Variants in SUPT3H observed in about 807,000 individuals in gnomAD.
SUPT3H encodes transcription initiation protein SPT3 homolog.
In SUPT3H, 44 loss-of-function variants were observed where a neutral mutation model predicts 44.3. That is an observed-to-expected ratio of 0.99 (90% CI 0.78 to 1.28). The LOEUF (loss-of-function observed/expected upper bound fraction) is 1.28, where lower values mean the gene tolerates loss of function less well. Ranked by LOEUF, SUPT3H falls within the 50% of genes most tolerant of loss-of-function variation. SUPT3H has a pLI of 0.00. For missense variants in SUPT3H, 380 were observed against 387.1 expected, an observed-to-expected ratio of 0.98 and a Z score of 0.15; for synonymous variants, 124 against 125.6, an observed-to-expected ratio of 0.99 and a Z score of 0.09.
chr6:45,257,758 C>T (rs1773655738), intron 2 of SUPT3H, among the ~76,000 whole-genome samples: 2 of 152,128 alleles, frequency 1.3e-5, no homozygotes, highest in South Asian at 4.1e-4. Flanking sequence ...ACAGTCCTAC[C>T]CATGAGTGTG....
Position 44,954,476 on chromosome 6 carries a change from G to C in SUPT3H, c.693+19C>G. The C allele has an allele frequency of 6.4e-7, 1 of 1,563,786 alleles. No homozygotes were observed. The highest frequency in any genetic ancestry group is 2.2e-5 in the East Asian group (1 of 44,648). On this transcript the variant is annotated intron_variant, in intron 8 of 10. Coordinates refer to ENST00000371459, the MANE Select transcript of SUPT3H (RefSeq NM_003599.4). Reference sequence around the variant, plus strand: ...AAAACCAGCCAGTGTGGCCCGATATGACAGATTAGAATTCTTACCTGTGCC... The same window carrying C: ...AAAACCAGCCAGTGTGGCCCGATATCACAGATTAGAATTCTTACCTGTGCC...
chr6:44,986,100 T>C lies in SUPT3H; in HGVS notation c.504+17553A>G, dbSNP rs146251260. Among the ~76,000 whole-genome samples the C allele has an allele frequency of 2.0e-5, 3 of 152,304 alleles. No homozygotes were observed. The East Asian group carries it at 5.8e-4, about 29-fold the overall frequency. On this transcript the variant is annotated intron_variant, in intron 6 of 10. Transcript: ENST00000371459. ...TGGCCAAGCAAAAGTAAAATATCTT[T>C]ATCAGCCTTAAAATTAGGGAGCCTA...
intron 2 of SUPT3H, among the ~76,000 whole-genome samples, chr6:45,305,694 T>C (rs1782883768): frequency 6.6e-6 from 1 of 152,162 alleles, no homozygotes; most frequent in South Asian, 2.1e-4. Context: ...AAAAATCCAA[T>C]AATGGAAATG....
At chr6:45,126,987 T>C (rs186403686) in intron 2 of SUPT3H, among the ~76,000 whole-genome samples, 3 of 152,292 alleles carry the variant, frequency 2.0e-5, no homozygotes, top group Non-Finnish European at 2.9e-5. Context: ...TGAATAATGC[T>C]GTTTTCCCTC....
chr6:45,030,487 G>C (rs1024300094), intron 3 of SUPT3H, among the ~76,000 whole-genome samples: 2 of 152,092 alleles, frequency 1.3e-5, no homozygotes, highest in Admixed American at 6.6e-5. Flanking sequence ...GTAAGAGACT[G>C]AATTTCTTAG....
intron 1 of SUPT3H, among the ~76,000 whole-genome samples, chr6:45,373,350 C>G (rs562836205): frequency 4.1e-4 from 62 of 152,220 alleles, no homozygotes; most frequent in African/African-American, 1.4e-3. Context: ...CAGACCAATT[C>G]TAGAAAGTAA....
chr6:44,888,798 T>C (rs1762770210), intron 10 of SUPT3H, among the ~76,000 whole-genome samples: 1 of 151,990 alleles, frequency 6.6e-6, no homozygotes, highest in Non-Finnish European at 1.5e-5. Context: ...ATAAAGGGTA[T>C]TCAATTAGGA....
intron 6 of SUPT3H, among the ~76,000 whole-genome samples, chr6:44,992,741 G>A (rs967022692): frequency 1.3e-5 from 2 of 152,050 alleles, no homozygotes; most frequent in African/African-American, 4.8e-5. Context: ...CAAGGGTGGG[G>A]GACAAATGGG....
chr6:45,045,655 T>C (rs879863345), intron 3 of SUPT3H, among the ~76,000 whole-genome samples: 2 of 152,238 alleles, frequency 1.3e-5, no homozygotes, highest in Non-Finnish European at 2.9e-5. Flanking sequence ...TCTTGCCTGA[T>C]TGCCCTGGCC....
At chr6:44,982,274 A>G (rs938356213) in intron 6 of SUPT3H, among the ~76,000 whole-genome samples, 1 of 151,996 alleles carries the variant, frequency 6.6e-6, no homozygotes, top group African/African-American at 2.4e-5. Flanking sequence ...CCCAGGCTGG[A>G]GTGCTGTGGC....
chr6:45,157,843 G>C (rs1468933397), intron 2 of SUPT3H, among the ~76,000 whole-genome samples: 1 of 151,658 alleles, frequency 6.6e-6, no homozygotes, highest in African/African-American at 2.4e-5. Flanking sequence ...ACCGCACCCG[G>C]CCAGCATTAT....
intron 2 of SUPT3H, among the ~76,000 whole-genome samples, chr6:45,141,338 C>CAAAAAAAAAAA (rs1162738855): frequency 2.0e-4 from 9 of 45,282 alleles, no homozygotes; most frequent in Admixed American, 4.3e-4. Context: ...GACTCCATCT[C>CAAAAAAAAAAA]AAAAAAAAAA....
chr6:45,293,542 G>T (rs1231297863), intron 2 of SUPT3H, among the ~76,000 whole-genome samples: 1 of 151,690 alleles, frequency 6.6e-6, no homozygotes, highest in African/African-American at 2.4e-5. Context: ...AAAGATAAAT[G>T]AAACAAAAAG....
intron 2 of SUPT3H, among the ~76,000 whole-genome samples, chr6:45,236,667 T>C (rs1374439872): frequency 2.0e-5 from 3 of 152,058 alleles, no homozygotes; most frequent in African/African-American, 7.2e-5. Flanking sequence ...CTCTCTCAGT[T>C]CTATTCAGGC....
chr6:45,189,521 C>T (rs1409453469), intron 2 of SUPT3H, among the ~76,000 whole-genome samples: 1 of 152,126 alleles, frequency 6.6e-6, no homozygotes, highest in Non-Finnish European at 1.5e-5. Context: ...TTGACCAAAT[C>T]TATAGAGGAA....
intron 3 of SUPT3H, among the ~76,000 whole-genome samples, chr6:45,086,077 T>TTTC (rs1449378031): frequency 1.3e-5 from 2 of 152,058 alleles, no homozygotes; most frequent in African/African-American, 4.8e-5. Context: ...TGAAACTTAG[T>TTTC]TTCTGTCACT....
intron 6 of SUPT3H, among the ~76,000 whole-genome samples, chr6:44,997,699 G>A (rs1456959750): frequency 1.3e-5 from 2 of 151,868 alleles, no homozygotes; most frequent in South Asian, 2.1e-4. Context: ...GCAAATAAAA[G>A]TGGTAACAGT....
intron 6 of SUPT3H, among the ~76,000 whole-genome samples, chr6:44,963,326 T>G (rs1776317713): frequency 1.3e-5 from 2 of 152,058 alleles, no homozygotes; most frequent in African/African-American, 4.8e-5. Context: ...GGCAAAACCC[T>G]GTCTCTACTA....
chr6:45,319,662 C>T (rs1032100490), intron 2 of SUPT3H, among the ~76,000 whole-genome samples: 2 of 152,110 alleles, frequency 1.3e-5, no homozygotes, highest in Non-Finnish European at 2.9e-5. Context: ...GGTAAATCCT[C>T]AGAAAATGAA....
Sources: gnomAD v4.1 joint callset for allele counts (sites outside exome capture counted in the v4.1 genomes callset) on GRCh38, gnomAD v4.1.1 for gene constraint, MANE v1.5 for transcripts, NCBI Gene and HGNC (gene_info 2026-07-23, HGNC 2026-07-21) for gene names.